BMPR1A: variants seen among roughly 807,000 people sequenced by gnomAD.
The protein encoded by BMPR1A is bone morphogenetic protein receptor type-1A.
BMPR1A carries 7 observed loss-of-function variants against 66.0 expected under a neutral mutation model. That is an observed-to-expected ratio of 0.11 (90% CI 0.06 to 0.20). The LOEUF (loss-of-function observed/expected upper bound fraction) is 0.20. Among genes scored for constraint, BMPR1A ranks in the 10% least tolerant of loss-of-function variants. The probability of loss-of-function intolerance (pLI) is 1.00; values close to 1 mark genes in which losing one functional copy is unlikely to be tolerated. For missense variants in BMPR1A, 408 were observed against 669.1 expected, an observed-to-expected ratio of 0.61 and a Z score of 4.31; for synonymous variants, 200 against 229.7, an observed-to-expected ratio of 0.87 and a Z score of 1.17.
At chr10:86,839,020 C>T (rs1589740533) in intron 2 of BMPR1A, 41 bp downstream of exon 2, 1 of 152,084 alleles carries the variant, frequency 6.6e-6, no homozygotes, top group Admixed American at 6.6e-5. Context: ...TGAAATTTCT[C>T]ATTTTTTAAT....
chr10:86,815,437 A>C (rs1238456659), intron 1 of BMPR1A, among the ~76,000 whole-genome samples: 2 of 152,122 alleles, frequency 1.3e-5, no homozygotes, highest in African/African-American at 4.8e-5. Context: ...TCAGGGCTTC[A>C]TCAGGGCTTG....
intron 1 of BMPR1A, among the ~76,000 whole-genome samples, chr10:86,762,936 G>A (rs953507052): frequency 1.1e-4 from 16 of 151,356 alleles, no homozygotes; most frequent in African/African-American, 3.4e-4. Flanking sequence ...TCACTCTGTC[G>A]CCCAGGCTGG....
At chr10:86,793,852 G>T (rs531644289) in intron 1 of BMPR1A, among the ~76,000 whole-genome samples, 4 of 152,132 alleles carry the variant, frequency 2.6e-5, no homozygotes, top group African/African-American at 9.7e-5. Context: ...TGTTCCTTTC[G>T]GGAAGTTCTA....
At chr10:86,842,467 T>G (rs1842437250) in intron 2 of BMPR1A, among the ~76,000 whole-genome samples, 1 of 152,098 alleles carries the variant, frequency 6.6e-6, no homozygotes, top group South Asian at 2.1e-4. Flanking sequence ...TGGCTTGAAT[T>G]TAGAATAGGA....
chr10:86,890,763 G>T (rs1843136861), intron 4 of BMPR1A, among the ~76,000 whole-genome samples: 1 of 151,944 alleles, frequency 6.6e-6, no homozygotes. Context: ...GAAATATTTT[G>T]CAGATATATA....
intron 1 of BMPR1A, among the ~76,000 whole-genome samples, chr10:86,820,936 T>C (rs966366614): frequency 6.6e-6 from 1 of 152,206 alleles, no homozygotes; most frequent in Non-Finnish European, 1.5e-5. Context: ...GTGGAAAATT[T>C]GGAAAATATG....
intron 3 of BMPR1A, among the ~76,000 whole-genome samples, chr10:86,878,839 G>T (rs1842952051): frequency 6.6e-6 from 1 of 152,164 alleles, no homozygotes; most frequent in African/African-American, 2.4e-5. Flanking sequence ...GGCTGGGTGT[G>T]TTGTTCCCCC....
rs778074106 is a variant in BMPR1A, at chr10:86,926,650, C to T, written c.*2931C>T. ...TGAAATATTTAAAGAATATGATAGG[C>T]CAGCAAGAAGAAGTATTATGTAGTA... On this transcript the variant is annotated 3_prime_UTR_variant, in exon 13 of 13. Transcript: ENST00000372037. 25 of 182,940 alleles carry T rather than the reference C, an allele frequency of 1.4e-4. No homozygotes were observed. The highest frequency in any genetic ancestry group is 2.6e-4 in the Non-Finnish European group (22 of 86,056). The allele number at this position is 182,940 out of a possible 1,614,324, so 11.3% of individuals were successfully genotyped here. A position where few individuals can be genotyped will look rare whatever the true frequency, so the allele number is the denominator to read the frequency against.
At chr10:86,799,457 T>TTC (rs1841774865) in intron 1 of BMPR1A, among the ~76,000 whole-genome samples, 3 of 144,226 alleles carry the variant, frequency 2.1e-5, no homozygotes, top group African/African-American at 8.2e-5. Flanking sequence ...ACATTTTCTT[T>TTC]CTTCCTTCCT....
intron 7 of BMPR1A, among the ~76,000 whole-genome samples, chr10:86,906,872 T>C (rs1843402125): frequency 6.6e-6 from 1 of 152,166 alleles, no homozygotes; most frequent in African/African-American, 2.4e-5. Context: ...TTCTCACTTG[T>C]TTTTTCTCTT....
In BMPR1A at chr10:86,800,202, G is replaced by A. The variant is rs145607871; in HGVS notation, c.-267-38663G>A. 2.2e-3 allele frequency among the ~76,000 whole-genome samples: 333 copies of A among 152,198 alleles called. 4 individuals are homozygous for A. The highest frequency in any genetic ancestry group is 7.8e-3 in the African/African-American group (323 of 41,524). ...CTCATCTTGAAAAATGGTAAGATGG[G>A]CAGCACAGGGCCTGTATTCCCAATT... On this transcript the variant is annotated intron_variant, in intron 1 of 12. Coordinates refer to ENST00000372037, the MANE Select transcript of BMPR1A (RefSeq NM_004329.3).
At chr10:86,836,106 A>T (rs1396505414) in intron 1 of BMPR1A, among the ~76,000 whole-genome samples, 1 of 152,174 alleles carries the variant, frequency 6.6e-6, no homozygotes. Context: ...GTACTTACTT[A>T]GCGTTTTGTT....
At chr10:86,808,592 C>T (rs112755058) in intron 1 of BMPR1A, among the ~76,000 whole-genome samples, 7 of 152,278 alleles carry the variant, frequency 4.6e-5, no homozygotes, top group African/African-American at 1.2e-4. Flanking sequence ...CATTGACAAA[C>T]CACTTGTCCT....
downstream of BMPR1A, chr10:86,930,973 G>A (rs1370452617): frequency 6.6e-6 from 1 of 151,990 alleles, no homozygotes; most frequent in Non-Finnish European, 1.5e-5. Context: ...ATTTTTGGCT[G>A]GGTGCAGTGG....
At chr10:86,798,419 C>G (rs1841756769) in intron 1 of BMPR1A, among the ~76,000 whole-genome samples, 1 of 152,088 alleles carries the variant, frequency 6.6e-6, no homozygotes, top group South Asian at 2.1e-4. Flanking sequence ...ATATAATTTG[C>G]TTTAATTACT....
chr10:86,835,549 C>CAAAAAAAAAAAAAAAAAAAAAA lies in BMPR1A; in HGVS notation c.-267-3298_-267-3277dup, dbSNP rs55804247. Among the ~76,000 whole-genome samples the CAAAAAAAAAAAAAAAAAAAAAA allele has an allele frequency of 2.5e-4, 11 of 44,338 alleles. 2 individuals carry two copies. The highest frequency in any genetic ancestry group is 3.5e-4 in the Non-Finnish European group (9 of 25,606). The allele number at this position is 44,338 out of a possible 152,430, so 29.1% of individuals were successfully genotyped here. On this transcript the variant is annotated intron_variant, in intron 1 of 12. Coordinates refer to ENST00000372037, the MANE Select transcript of BMPR1A (RefSeq NM_004329.3). Reference sequence around the variant, plus strand: ...CTGGGTGACAAGCAAGACTCTGTATCAAAAAAAAAAAAAAAAAAAAAAAAA... The same window carrying CAAAAAAAAAAAAAAAAAAAAAA: ...CTGGGTGACAAGCAAGACTCTGTATCAAAAAAAAAAAAAAAAAAAAAAAAAAAAAAAAAAAAAAAAAAAAAAA...
At chr10:86,854,914 GTTCTTTTTTTTTCTTT>G (rs1251239067) in intron 2 of BMPR1A, 6 of 199,108 alleles carry the variant, frequency 3.0e-5, no homozygotes, top group Middle Eastern at 5.4e-4. Context: ...ATGTCATTAA[GTTCTTTTTTTTTCTTT>G]TTCTTTTTTT....
intron 1 of BMPR1A, among the ~76,000 whole-genome samples, chr10:86,827,965 A>G (rs985555393): frequency 2.0e-5 from 3 of 152,188 alleles, no homozygotes; most frequent in Non-Finnish European, 4.4e-5. Flanking sequence ...CAGCTTGGCC[A>G]ATATGGTGAA....
At chr10:86,763,742 A>G (rs1481538231) in intron 1 of BMPR1A, among the ~76,000 whole-genome samples, 3 of 150,806 alleles carry the variant, frequency 2.0e-5, no homozygotes, top group South Asian at 4.2e-4. Context: ...TTGAGAAGAT[A>G]GACTCTCAAT....
Sources: allele counts gnomAD v4.1 joint callset (sites outside exome capture counted in the v4.1 genomes callset), GRCh38; gene constraint gnomAD v4.1.1; transcripts MANE v1.5; gene names NCBI Gene and HGNC (gene_info 2026-07-23, HGNC 2026-07-21).